The following PEAK1 variants were observed in gnomAD, a reference collection of about 807,000 sequenced individuals.
PEAK1 encodes pseudopodium enriched atypical kinase 1, also known as inactive tyrosine-protein kinase PEAK1.
A neutral mutation model predicts 124.7 loss-of-function variants in PEAK1; 54 were observed. That is an observed-to-expected ratio of 0.43 (90% CI 0.35 to 0.54). The LOEUF (loss-of-function observed/expected upper bound fraction) is 0.54, where lower values mean the gene tolerates loss of function less well. PEAK1 is among the 20% of genes least tolerant of loss of function. The pLI is 0.01. For synonymous variants in PEAK1, 719 were observed against 760.0 expected, an observed-to-expected ratio of 0.95 and a Z score of 0.89; for missense variants, 2,046 against 2,134.5, an observed-to-expected ratio of 0.96 and a Z score of 0.82.
At chr15:77,160,206 G>A (rs1362428565) in intron 7 of PEAK1, among the ~76,000 whole-genome samples, 2 of 152,074 alleles carry the variant, frequency 1.3e-5, no homozygotes, top group South Asian at 2.1e-4. Context: ...CTATCTCCAC[G>A]CATTAGGGAA....
chr15:77,320,552 A>G (rs2065137666), intron 2 of PEAK1, among the ~76,000 whole-genome samples: 1 of 150,646 alleles, frequency 6.6e-6, no homozygotes, highest in Admixed American at 6.6e-5. Flanking sequence ...TTGCCTTGGT[A>G]GTTCATTGTT....
At chr15:77,259,223 T>A (rs2061320202) in intron 5 of PEAK1, among the ~76,000 whole-genome samples, 1 of 152,198 alleles carries the variant, frequency 6.6e-6, no homozygotes, top group Admixed American at 6.6e-5. Flanking sequence ...AGAATTCATA[T>A]TTTAAATGAC....
At chr15:77,243,653 G>C (rs138708206) in intron 6 of PEAK1, among the ~76,000 whole-genome samples, 1 of 152,200 alleles carries the variant, frequency 6.6e-6, no homozygotes, top group African/African-American at 2.4e-5. Context: ...ATCCTTCAAA[G>C]AGGGATGAGA....
At chr15:77,397,031 T>G (rs1336732424) in intron 1 of PEAK1, among the ~76,000 whole-genome samples, 1 of 152,184 alleles carries the variant, frequency 6.6e-6, no homozygotes, top group Non-Finnish European at 1.5e-5. Flanking sequence ...AGCACATGGA[T>G]CATTCTCAAG....
intron 5 of PEAK1, among the ~76,000 whole-genome samples, chr15:77,254,220 T>C (rs1483816440): frequency 6.6e-6 from 1 of 152,162 alleles, no homozygotes; most frequent in Non-Finnish European, 1.5e-5. Context: ...GTGAGTTATG[T>C]TTTTGCCCAA....
At chr15:77,309,179 A>G (rs1054601010) in intron 2 of PEAK1, among the ~76,000 whole-genome samples, 3 of 152,124 alleles carry the variant, frequency 2.0e-5, no homozygotes, top group African/African-American at 7.2e-5. Context: ...CCAAAGATGA[A>G]TATGTCTTTT....
Position 77,337,255 on chromosome 15 carries a change from G to GA in PEAK1, c.-603+27907dup, listed in dbSNP as rs890619346. ...ATACAGACATGAAAGCTCCACTAGG[G>GA]AAAAAAAAAAGGTTCTAAGTATGCC... On this transcript the variant is annotated intron_variant, in intron 2 of 9. Transcript: ENST00000682557. 9.7e-4 allele frequency: 866 copies of GA among 892,406 alleles called. 1 individual carries two copies. The highest frequency in any genetic ancestry group is 1.5e-3 in the Admixed American group (24 of 15,506). 55.3% of individuals were successfully genotyped at this position (892,406 alleles called of 1,614,324 possible).
At chr15:77,124,973 A>C (rs2052248421) in intron 9 of PEAK1, among the ~76,000 whole-genome samples, 1 of 152,192 alleles carries the variant, frequency 6.6e-6, no homozygotes, top group Non-Finnish European at 1.5e-5. Context: ...TACCACTCTG[A>C]ACTTTCATTA....
intron 2 of PEAK1, among the ~76,000 whole-genome samples, chr15:77,326,440 T>A (rs541367619): frequency 9.2e-5 from 14 of 152,260 alleles, no homozygotes; most frequent in African/African-American, 3.1e-4. Flanking sequence ...AAAATCATTT[T>A]AAAACATTCG....
At chr15:77,268,126 C>T (rs1052583376) in intron 5 of PEAK1, among the ~76,000 whole-genome samples, 2 of 152,086 alleles carry the variant, frequency 1.3e-5, no homozygotes, top group Non-Finnish European at 2.9e-5. Context: ...AGTTTGCAGA[C>T]AAGGCTTTCG....
intron 2 of PEAK1, chr15:77,337,621 T>C: frequency 1.0e-6 from 1 of 985,446 alleles, no homozygotes; most frequent in Non-Finnish European, 1.2e-6. Flanking sequence ...ACCTTTACCA[T>C]GGATTAATTC....
rs200242705 is a variant in PEAK1 at position 77,133,508 on chromosome 15, G to A, written c.3574C>T (p.Pro1192Ser). 2.1e-5 allele frequency: 34 copies of A among 1,614,170 alleles called. No individual in the cohort carries two copies. Among genetic ancestry groups the A allele is most frequent in the Non-Finnish European group, 2.7e-5 (32 of 1,180,016 alleles). Residue 1192 changes from proline (P) to serine (S), a missense_variant, in exon 9 of 10, where the codon CCC becomes TCC. Coordinates refer to ENST00000682557, the MANE Select transcript of PEAK1 (RefSeq NM_001385026.1). The surrounding 1 kb of genome is among the most constrained non-coding windows in gnomAD (Gnocchi z 4.2). ...CCAGCACTGCTGGCATCCCAGTTGGGGTCGATATCATAGGTGGGATTAGCC... is the reference window on the plus strand; with the variant it reads ...CCAGCACTGCTGGCATCCCAGTTGGAGTCGATATCATAGGTGGGATTAGCC... ...VMANPTYDID[P>S]NWDASSAGSS...
chr15:77,302,346 C>T (rs1397783159), intron 2 of PEAK1, among the ~76,000 whole-genome samples: 1 of 152,148 alleles, frequency 6.6e-6, no homozygotes, highest in Admixed American at 6.5e-5. Context: ...ATACATTAAG[C>T]TAAATGAGTT....
chr15:77,395,881 C>T (rs1159231031), intron 1 of PEAK1, among the ~76,000 whole-genome samples: 1 of 151,982 alleles, frequency 6.6e-6, no homozygotes, highest in African/African-American at 2.4e-5. Flanking sequence ...TCTAAAGGTA[C>T]AAAACTCACT....
chr15:77,179,092 T>C lies in PEAK1; in HGVS notation c.2835A>G (p.Lys945=). Residue 945 remains lysine (K), a synonymous_variant, in exon 7 of 10, where the codon AAA becomes AAG. Transcript: ENST00000682557. ...CCACCAGTTTCCCTTTCTCTCGCTC[T>C]TTCTCTTTGTCATCCTCCTCATCTG... ...RKTDEEDDKE[K]EREKGKLVGL... 6.2e-7 allele frequency: 1 copy of C among 1,614,212 alleles called. No individual in the cohort carries two copies. Among genetic ancestry groups the C allele is most frequent in the Non-Finnish European group, 8.5e-7 (1 of 1,180,032 alleles).
At chr15:77,409,994 C>T (rs2072259583) in intron 1 of PEAK1, among the ~76,000 whole-genome samples, 3 of 151,650 alleles carry the variant, frequency 2.0e-5, no homozygotes, top group Non-Finnish European at 4.4e-5. Context: ...CTTGACTATT[C>T]TTGGAGGGCA....
At chr15:77,404,111 A>T in intron 1 of PEAK1, 1 of 985,160 alleles carries the variant, frequency 1.0e-6, no homozygotes, top group Non-Finnish European at 1.2e-6. Context: ...AGGCCTTTAG[A>T]CAACTACAAA....
intron 8 of PEAK1, among the ~76,000 whole-genome samples, chr15:77,145,903 A>T (rs2054143419): frequency 6.6e-6 from 1 of 152,250 alleles, no homozygotes; most frequent in Non-Finnish European, 1.5e-5. Flanking sequence ...GCCTGGTACC[A>T]GGGAGATAGT....
chr15:77,297,757 C>CAAAA (rs370114659), intron 2 of PEAK1, among the ~76,000 whole-genome samples: 68 of 85,372 alleles, frequency 8.0e-4, no homozygotes, highest in African/African-American at 2.3e-3. Flanking sequence ...GATTTTGCCT[C>CAAAA]AAAAAAAAAA....
Sources: gnomAD v4.1 joint callset for allele counts (sites outside exome capture counted in the v4.1 genomes callset) on GRCh38, gnomAD v4.1.1 for gene constraint, Gnocchi (gnomAD v3.1) non-coding constraint, MANE v1.5 for transcripts, NCBI Gene and HGNC (gene_info 2026-07-23, HGNC 2026-07-21) for gene names.